Variants in SMOC2 observed in about 807,000 individuals in gnomAD.
SMOC2 encodes SPARC-related modular calcium-binding protein 2.
In SMOC2, 39 loss-of-function variants were observed where a neutral mutation model predicts 61.4. That is an observed-to-expected ratio of 0.64 (90% CI 0.49 to 0.83). SMOC2 has a LOEUF of 0.83. Ranked by LOEUF, SMOC2 falls within the 40% of genes least tolerant of loss-of-function variation. The pLI is 0.00. For missense variants in SMOC2, 556 were observed against 592.9 expected, an observed-to-expected ratio of 0.94 and a Z score of 0.65; for synonymous variants, 247 against 239.9, an observed-to-expected ratio of 1.03 and a Z score of -0.27.
At chr6:168,657,142 C>T (rs1297834345) in intron 11 of SMOC2, among the ~76,000 whole-genome samples, 1 of 152,244 alleles carries the variant, frequency 6.6e-6, no homozygotes, top group Non-Finnish European at 1.5e-5. Flanking sequence ...ACTAAATGTG[C>T]TGCCAAGGTC....
At chr6:168,534,519 G>A (rs1344907480) in intron 4 of SMOC2, among the ~76,000 whole-genome samples, 1 of 152,230 alleles carries the variant, frequency 6.6e-6, no homozygotes, top group Non-Finnish European at 1.5e-5. Context: ...CCTTGGGGCT[G>A]AAGCTCCCAT....
chr6:168,580,062 C>G (rs898775553), intron 7 of SMOC2, among the ~76,000 whole-genome samples: 2 of 131,976 alleles, frequency 1.5e-5, no homozygotes, highest in African/African-American at 5.5e-5. Flanking sequence ...AGATGCGTTC[C>G]GAGATGGTCT....
At chr6:168,515,693 T>C (rs1783116453) in intron 2 of SMOC2, among the ~76,000 whole-genome samples, 1 of 94,218 alleles carries the variant, frequency 1.1e-5, no homozygotes, top group African/African-American at 3.9e-5. Context: ...TACACACTCA[T>C]CCCAGCATCC....
At chr6:168,624,571 AAC>A (rs1352753051) in intron 9 of SMOC2, among the ~76,000 whole-genome samples, 3 of 134,250 alleles carry the variant, frequency 2.2e-5, no homozygotes, top group East Asian at 2.2e-4. Context: ...GACATACAGA[AAC>A]ACACACACAG....
chr6:168,642,417 G>A (rs563670511), intron 9 of SMOC2, among the ~76,000 whole-genome samples: 11 of 152,324 alleles, frequency 7.2e-5, no homozygotes, highest in Middle Eastern at 3.4e-3. Flanking sequence ...AGTTCACAAC[G>A]TACACAGAAA....
intron 2 of SMOC2, among the ~76,000 whole-genome samples, chr6:168,525,197 G>A (rs1275364890): frequency 2.6e-5 from 4 of 152,242 alleles, no homozygotes; most frequent in South Asian, 2.1e-4. Context: ...AGTAAAGCAT[G>A]CATGTGTGTT....
At chr6:168,607,745 A>T (rs1303794997) in intron 8 of SMOC2, among the ~76,000 whole-genome samples, 1 of 81,586 alleles carries the variant, frequency 1.2e-5, no homozygotes, top group Non-Finnish European at 2.6e-5. Context: ...CCTCGTGCAC[A>T]CACTCCTGCT....
At chr6:168,598,742 G>A in intron 7 of SMOC2, 76 bp from the exon 8 acceptor site, 1 of 1,520,982 alleles carries the variant, frequency 6.6e-7, no homozygotes, top group Non-Finnish European at 9.0e-7. Context: ...GCAGTTCTCT[G>A]TGGCCTCCCA....
At chr6:168,471,108 G>T (rs1463021968) in intron 1 of SMOC2, among the ~76,000 whole-genome samples, 2 of 152,058 alleles carry the variant, frequency 1.3e-5, no homozygotes, top group African/African-American at 4.8e-5. Flanking sequence ...TTTAAAAATC[G>T]TAAGCATTTT....
At position 168,608,180 on chromosome 6, in the gene SMOC2, A is replaced by G. The variant is rs773357473; in HGVS notation, c.848A>G (p.Asn283Ser). ...AGGTACGAGCAGCCGAAATGTGACAACACGGCCAGGGCCCACCCAGCCAAA... is the reference window on the plus strand; with the variant it reads ...AGGTACGAGCAGCCGAAATGTGACAGCACGGCCAGGGCCCACCCAGCCAAA... ...STRYEQPKCD[N>S]TARAHPAKAR... is the part of the protein sequence containing the mutation. The change falls in exon 9 of 13, where the codon AAC becomes AGC. Residue 283 changes from asparagine to serine, a missense_variant. Physicochemically the swap from Asn to Ser is conservative, Grantham distance 46. Coordinates refer to ENST00000356284, the MANE Select transcript of SMOC2 (RefSeq NM_001166412.2). 1 of 1,613,884 alleles carries G rather than the reference A, an allele frequency of 6.2e-7. No homozygotes were observed. Among genetic ancestry groups the G allele is most frequent in the Admixed American group, 1.7e-5 (1 of 59,994 alleles).
rs185561040 is a variant in SMOC2, at chr6:168,528,555, A to T, written c.463+828A>T. ...TTTGATTTATTTTTCTGTTTAAGGG[A>T]TATATATCTTTTAATCTGGAATTCT... On this transcript the variant is annotated intron_variant, in intron 4 of 12. Coordinates refer to ENST00000356284, the MANE Select transcript of SMOC2 (RefSeq NM_001166412.2). Among the ~76,000 whole-genome samples, 369 of 152,244 alleles carry T rather than the reference A, an allele frequency of 2.4e-3. 3 individuals are homozygous for T. The South Asian group carries it at 0.033, about 14-fold the overall frequency.
rs536371858 is a variant in SMOC2, at chr6:168,563,685, C to G, written c.637+14482C>G. 5.1e-4 allele frequency among the ~76,000 whole-genome samples: 78 copies of G among 152,246 alleles called. 1 individual carries two copies. The highest frequency in any genetic ancestry group is 1.9e-3 in the African/African-American group (77 of 41,544). On this transcript the variant is annotated intron_variant, in intron 7 of 12. Coordinates refer to ENST00000356284, the MANE Select transcript of SMOC2 (RefSeq NM_001166412.2). The stretch of plus-strand genomic sequence containing the variant: ...CCTTGCCCCTCCTGCCACATGAGCT[C>G]AACCAAGAAGGCGCCATCTGTGAAC...
At chr6:168,473,327 A>C (rs942849410) in intron 1 of SMOC2, among the ~76,000 whole-genome samples, 1 of 152,188 alleles carries the variant, frequency 6.6e-6, no homozygotes, top group African/African-American at 2.4e-5. Context: ...CAGGCACAGC[A>C]GGGACTGCGG....
chr6:168,605,814 A>G (rs1785672186), intron 8 of SMOC2, among the ~76,000 whole-genome samples: 1 of 152,022 alleles, frequency 6.6e-6, no homozygotes. Flanking sequence ...CTAACACTAC[A>G]GAGCAGTCCA....
chr6:168,642,739 G>A (rs1484210824), intron 9 of SMOC2, among the ~76,000 whole-genome samples: 1 of 152,116 alleles, frequency 6.6e-6, no homozygotes, highest in Non-Finnish European at 1.5e-5. Context: ...TAAGCTGCAG[G>A]CACTTTATGA....
At chr6:168,500,964 C>T (rs1483071575) in intron 1 of SMOC2, among the ~76,000 whole-genome samples, 2 of 152,134 alleles carry the variant, frequency 1.3e-5, no homozygotes, top group Non-Finnish European at 2.9e-5. Flanking sequence ...CAAGACTCTC[C>T]GACAGAGTGG....
intron 1 of SMOC2, among the ~76,000 whole-genome samples, chr6:168,465,704 G>A (rs1344927181): frequency 1.3e-5 from 2 of 150,180 alleles, no homozygotes; most frequent in Admixed American, 6.6e-5. Flanking sequence ...TGGAACTGGG[G>A]GCTCTGGATG....
In SMOC2 at chr6:168,549,181, GA is replaced by G; in HGVS notation, c.617del (p.Asn206ThrfsTer31). 2 of 1,614,112 alleles carry G rather than the reference GA, an allele frequency of 1.2e-6. No individual in the cohort carries two copies. The highest frequency in any genetic ancestry group is 1.7e-6 in the Non-Finnish European group (2 of 1,180,006). On this transcript the variant is annotated frameshift_variant, in exon 7 of 13. Transcript: ENST00000356284. LOFTEE classifies it high-confidence loss of function. ...GGACTGAACAGGTTAAAAGTCGGCA[GA>G]ACAAAACCAATAAGAATTCAGGTAA... is the stretch of plus-strand genomic sequence containing the variant. Reference protein sequence around the residue: ...LWTEQVKSRQNKTNKNSVSSC... With the variant: ...LWTEQVKSRQXKTNKNSVSSC...
intron 11 of SMOC2, among the ~76,000 whole-genome samples, chr6:168,662,023 A>G (rs1002775453): frequency 5.9e-5 from 9 of 152,234 alleles, no homozygotes; most frequent in Admixed American, 5.9e-4. Flanking sequence ...GCGTTATGGC[A>G]AGGGAAGACA....
Sources: allele counts gnomAD v4.1 joint callset (sites outside exome capture counted in the v4.1 genomes callset), GRCh38; gene constraint gnomAD v4.1.1; transcripts MANE v1.5; gene names NCBI Gene and HGNC (gene_info 2026-07-23, HGNC 2026-07-21).